Variants in DLG2 observed in about 807,000 individuals in gnomAD.
DLG2 encodes disks large homolog 2.
Under a neutral mutation model 132.5 loss-of-function variants are expected in DLG2, and 45 were observed. That is an observed-to-expected ratio of 0.34 (90% CI 0.27 to 0.44). DLG2 has a LOEUF of 0.44. Ranked by LOEUF, DLG2 falls within the 20% of genes least tolerant of loss-of-function variation. The pLI, the probability that DLG2 is intolerant of heterozygous loss-of-function variation, is 1.00. For missense variants in DLG2, 1,045 were observed against 1,196.9 expected, an observed-to-expected ratio of 0.87 and a Z score of 1.87; for synonymous variants, 424 against 419.6, an observed-to-expected ratio of 1.01 and a Z score of -0.13.
intron 6 of DLG2, among the ~76,000 whole-genome samples, chr11:84,593,856 A>G (rs1226042920): frequency 6.6e-6 from 1 of 152,226 alleles, no homozygotes; most frequent in Non-Finnish European, 1.5e-5. Flanking sequence ...GTTAGGAAAC[A>G]TGCCCCATCT....
chr11:85,053,632 C>CAAAAAAAAA (rs574119257), intron 6 of DLG2, among the ~76,000 whole-genome samples: 15 of 91,142 alleles, frequency 1.6e-4, no homozygotes, highest in East Asian at 3.8e-4. Flanking sequence ...ACTAAAAATA[C>CAAAAAAAAA]AAAAAAAAAA....
At chr11:84,299,517 A>T (rs1171085363) in intron 7 of DLG2, among the ~76,000 whole-genome samples, 1 of 152,204 alleles carries the variant, frequency 6.6e-6, no homozygotes, top group African/African-American at 2.4e-5. Context: ...GGATCTGGTG[A>T]TGACTTCCTG....
intron 6 of DLG2, among the ~76,000 whole-genome samples, chr11:84,850,643 A>T (rs548165760): frequency 2.9e-4 from 44 of 152,294 alleles, no homozygotes; most frequent in African/African-American, 1.0e-3. Flanking sequence ...TAATTTATAC[A>T]GAGTATCTTA....
At chr11:84,916,348 CAAAAA>C (rs11423369) in intron 6 of DLG2, among the ~76,000 whole-genome samples, 512 of 27,838 alleles carry the variant, frequency 0.018, 1 homozygote, top group African/African-American at 0.053. Context: ...GACTCCGTCT[CAAAAA>C]AAAAAAAAAA....
intron 19 of DLG2, among the ~76,000 whole-genome samples, chr11:83,618,548 A>G (rs2061175207): frequency 6.6e-6 from 1 of 152,172 alleles, no homozygotes; most frequent in Non-Finnish European, 1.5e-5. Context: ...GAAAAAGCGG[A>G]GGCCTAGAGG....
At chr11:85,469,303 CTTG>C (rs777692747) in intron 3 of DLG2, 2 of 152,194 alleles carry the variant, frequency 1.3e-5, no homozygotes, top group Non-Finnish European at 2.9e-5. Flanking sequence ...ACTCTGGCTC[CTTG>C]TTGTGCAAAT....
In DLG2 at chr11:83,750,989, C is replaced by T. The variant is rs536878838; in HGVS notation, c.1825+35701G>A. ...AAACAAGATAAACTCTCTGTCCTCA[C>T]TGAACTTCTCTTCTAATGAGAGAGA... is the stretch of plus-strand genomic sequence containing the variant. On this transcript the variant is annotated intron_variant, in intron 18 of 27. Coordinates refer to ENST00000376104, the MANE Select transcript of DLG2 (RefSeq NM_001142699.3). Among the ~76,000 whole-genome samples, 3 of 152,170 alleles carry T rather than the reference C, an allele frequency of 2.0e-5. No individual in the cohort carries two copies. In the East Asian group the frequency reaches 5.8e-4, roughly 29 times the overall value.
chr11:84,891,269 A>C lies in DLG2; in HGVS notation c.357+220392T>G, dbSNP rs192857242. 8.5e-5 allele frequency among the ~76,000 whole-genome samples: 13 copies of C among 152,320 alleles called. No homozygotes were observed. In the East Asian group the frequency reaches 2.5e-3, roughly 29 times the overall value. ...CAGCATATGTATGTATTAGAAAAAGAATGGAAGGATATACCACAATATAAA... is the reference window on the plus strand; with the variant it reads ...CAGCATATGTATGTATTAGAAAAAGCATGGAAGGATATACCACAATATAAA... On this transcript the variant is annotated intron_variant, in intron 6 of 27. Coordinates refer to ENST00000376104, the MANE Select transcript of DLG2 (RefSeq NM_001142699.3).
chr11:84,705,371 C>G (rs931612935), intron 6 of DLG2, among the ~76,000 whole-genome samples: 2 of 151,740 alleles, frequency 1.3e-5, no homozygotes, highest in African/African-American at 4.8e-5. Context: ...CAGGCCTCAT[C>G]CTACAAAGTA....
chr11:84,485,217 A>C (rs565807004), intron 7 of DLG2, among the ~76,000 whole-genome samples: 1 of 152,050 alleles, frequency 6.6e-6, no homozygotes, highest in Non-Finnish European at 1.5e-5. Context: ...GTCCCTATTT[A>C]CCCCTTCTCT....
chr11:85,182,166 G>A (rs921430984), intron 4 of DLG2, among the ~76,000 whole-genome samples: 1 of 151,940 alleles, frequency 6.6e-6, no homozygotes, highest in South Asian at 2.1e-4. Flanking sequence ...CTCTGCCTAT[G>A]TTATCCCAAT....
chr11:85,488,756 A>G (rs1194416540), intron 3 of DLG2, among the ~76,000 whole-genome samples: 2 of 152,222 alleles, frequency 1.3e-5, no homozygotes, highest in Non-Finnish European at 2.9e-5. Flanking sequence ...ATCTAGCAAG[A>G]TTAATGTTCA....
At chr11:83,961,665 A>G (rs1252503071) in intron 14 of DLG2, among the ~76,000 whole-genome samples, 1 of 152,088 alleles carries the variant, frequency 6.6e-6, no homozygotes, top group African/African-American at 2.4e-5. Flanking sequence ...GCCTAGTAAC[A>G]TAAAGTGACA....
intron 7 of DLG2, among the ~76,000 whole-genome samples, chr11:84,500,954 C>T (rs992789951): frequency 2.0e-5 from 3 of 152,126 alleles, no homozygotes; most frequent in African/African-American, 4.8e-5. Context: ...ATAATTCTCA[C>T]TTATATGAAA....
At chr11:84,041,096 G>T (rs1489524276) in intron 11 of DLG2, among the ~76,000 whole-genome samples, 2 of 151,842 alleles carry the variant, frequency 1.3e-5, no homozygotes, top group South Asian at 2.1e-4. Context: ...TGCTGAAGTT[G>T]CTTATCAGCT....
chr11:84,053,311 C>T (rs946832717), intron 11 of DLG2, among the ~76,000 whole-genome samples: 6 of 151,874 alleles, frequency 4.0e-5, no homozygotes, highest in African/African-American at 1.4e-4. Context: ...GGAAGAATAG[C>T]TGTTGGATGC....
intron 8 of DLG2, chr11:84,166,985 T>C (rs951327151): frequency 1.7e-5 from 9 of 533,276 alleles, no homozygotes; most frequent in African/African-American, 1.3e-4. Flanking sequence ...ACTGATAGTT[T>C]GGGGCCCGGA....
At chr11:84,561,172 C>A (rs1029570873) in intron 6 of DLG2, among the ~76,000 whole-genome samples, 4 of 152,008 alleles carry the variant, frequency 2.6e-5, no homozygotes, top group African/African-American at 9.7e-5. Flanking sequence ...GATAGATGTG[C>A]TTTACTGAGC....
At chr11:84,207,038 A>G (rs1325776672) in intron 8 of DLG2, among the ~76,000 whole-genome samples, 1 of 149,224 alleles carries the variant, frequency 6.7e-6, no homozygotes, top group Non-Finnish European at 1.5e-5. Context: ...GCAACAAAAA[A>G]TACAAGATAT....
Sources: gnomAD v4.1 joint callset for allele counts (sites outside exome capture counted in the v4.1 genomes callset) on GRCh38, gnomAD v4.1.1 for gene constraint, MANE v1.5 for transcripts, NCBI Gene and HGNC (gene_info 2026-07-23, HGNC 2026-07-21) for gene names.